Variants in UGGT2 observed in about 807,000 individuals in gnomAD.
The protein encoded by UGGT2 is UDP-glucose:glycoprotein glucosyltransferase 2.
A neutral mutation model predicts 192.1 loss-of-function variants in UGGT2; 180 were observed. The observed-to-expected ratio is 0.94, with a 90% CI of 0.83 to 1.06. The LOEUF is 1.06. Ranked by LOEUF, UGGT2 falls within the 50% of genes least tolerant of loss-of-function variation. The pLI, the probability that UGGT2 is intolerant of heterozygous loss-of-function variation, is 0.00. For synonymous variants in UGGT2, 580 were observed against 591.0 expected (o/e 0.98, Z 0.27); for missense variants, 1,849 against 1,795.7 (o/e 1.03, Z -0.54).
At position 95,948,059 on chromosome 13, in the gene UGGT2, T is replaced by C. The variant is rs763141645; in HGVS notation, c.1478A>G (p.Gln493Arg). 6.8e-6 allele frequency: 11 copies of C among 1,613,056 alleles called. No individual in the cohort carries two copies. The African/African-American group carries it at 1.5e-4, about 22-fold the overall frequency. ...TTTTATAAAATCCAAGGTATATTCT[T>C]GGGCCGGATCAATAAACAGAACCTA... ...HNLVLFIDPAQEYTLDFIKLA... is the reference protein window; with the variant it reads ...HNLVLFIDPAREYTLDFIKLA... The change falls in exon 14 of 39, where the codon CAA becomes CGA. Residue 493 changes from glutamine (Q) to arginine (R), a missense_variant. Physicochemically the swap from Gln to Arg is conservative, Grantham distance 43 (BLOSUM62 1). Transcript: ENST00000376747.
chr13:95,939,921 C>T (rs1409567356), intron 16 of UGGT2, 36 bp downstream of exon 16: 2 of 1,511,870 alleles, frequency 1.3e-6, no homozygotes, highest in Admixed American at 2.0e-5. Context: ...CTTTCTGTGC[C>T]TGGCCTACTC....
At chr13:95,885,238 A>C (rs1299611011) in intron 26 of UGGT2, among the ~76,000 whole-genome samples, 1 of 152,196 alleles carries the variant, frequency 6.6e-6, no homozygotes, top group African/African-American at 2.4e-5. Context: ...TATTGTGCAC[A>C]GAATTATTAT....
intron 36 of UGGT2, among the ~76,000 whole-genome samples, chr13:95,847,068 T>A (rs954681400): frequency 9.9e-5 from 15 of 151,338 alleles, no homozygotes; most frequent in Admixed American, 7.9e-4. Flanking sequence ...TTTCTTTTTT[T>A]TTTTTATTTT....
intron 38 of UGGT2, among the ~76,000 whole-genome samples, chr13:95,811,381 C>A (rs1884576253): frequency 6.6e-6 from 1 of 152,154 alleles, no homozygotes; most frequent in Non-Finnish European, 1.5e-5. Flanking sequence ...ACAATCCTAT[C>A]CATGTGAAAT....
At chr13:95,964,683 G>C (rs1214057172) in intron 12 of UGGT2, among the ~76,000 whole-genome samples, 1 of 151,990 alleles carries the variant, frequency 6.6e-6, no homozygotes, top group African/African-American at 2.4e-5. Flanking sequence ...CATAGGCATG[G>C]GCAAGGACTT....
chr13:95,987,925 A>G (rs546924250), intron 8 of UGGT2, among the ~76,000 whole-genome samples: 7 of 152,246 alleles, frequency 4.6e-5, no homozygotes, highest in African/African-American at 1.7e-4. Context: ...TCAGATTTCT[A>G]GTTAGATTCA....
chr13:96,023,314 T>C (rs2052568550), intron 3 of UGGT2, among the ~76,000 whole-genome samples, 162 bp from the exon 4 acceptor site: 1 of 152,080 alleles, frequency 6.6e-6, no homozygotes, highest in African/African-American at 2.4e-5. Flanking sequence ...ATCTAAGAAA[T>C]ATTTTAATAA....
chr13:95,863,797 A>G, intron 30 of UGGT2, 83 bp from the exon 31 acceptor site: 2 of 1,058,942 alleles, frequency 1.9e-6, no homozygotes, highest in Admixed American at 1.8e-5. Flanking sequence ...ATATTGGGCG[A>G]GATTACCCAT....
chr13:96,031,915 T>G lies in UGGT2; in HGVS notation c.215A>C (p.Gln72Pro). 1 of 1,611,600 alleles carries G rather than the reference T, an allele frequency of 6.2e-7. No homozygotes were observed. Among genetic ancestry groups the G allele is most frequent in the Non-Finnish European group, 8.5e-7 (1 of 1,179,064 alleles). ...TGTTTGCTTATAAATTGCTAATTCT[T>G]GCACAGTTTCCAAAAACTGCCAAAA... The part of the protein sequence containing the change: ...EKFWQFLETV[Q>P]ELAIYKQTES... Residue 72 changes from glutamine to proline, a missense_variant, in exon 2 of 39, where the codon CAA (glutamine) becomes CCA (proline). Coordinates refer to ENST00000376747, the MANE Select transcript of UGGT2 (RefSeq NM_020121.4).
In UGGT2 at chr13:95,940,059, T is replaced by C; in HGVS notation, c.1710A>G (p.Ile570Met). 6.4e-7 allele frequency: 1 copy of C among 1,556,400 alleles called. No individual in the cohort carries two copies. The highest frequency in any genetic ancestry group is 8.7e-7 in the Non-Finnish European group (1 of 1,148,446). The change falls in exon 16 of 39, where the codon ATA becomes ATG. Residue 570 changes from isoleucine (I) to methionine (M), a missense_variant. Ile to Met is a conservative substitution (Grantham distance 10). Transcript: ENST00000376747. ...CACTCTTCACATTGTCCACAGTGAG[T>C]ATATTTTGATCCTTCTTCACTTTTT... ...MYQKVKKDQN[I>M]LTVDNVKSVL...
chr13:95,916,327 C>G (rs908166179), intron 20 of UGGT2, among the ~76,000 whole-genome samples: 2 of 152,044 alleles, frequency 1.3e-5, no homozygotes, highest in African/African-American at 4.8e-5. Flanking sequence ...GCAGCTTGAC[C>G]GTTAAAAACA....
At chr13:96,037,350 C>G (rs950832490) in intron 1 of UGGT2, among the ~76,000 whole-genome samples, 4 of 152,178 alleles carry the variant, frequency 2.6e-5, no homozygotes, top group Admixed American at 2.6e-4. Flanking sequence ...AGGCATGTGC[C>G]ACCACACGCA....
intron 12 of UGGT2, among the ~76,000 whole-genome samples, chr13:95,964,692 T>C (rs1162354958): frequency 6.6e-6 from 1 of 152,150 alleles, no homozygotes; most frequent in African/African-American, 2.4e-5. Flanking sequence ...GGGCAAGGAC[T>C]TCATGTCTAA....
intron 36 of UGGT2, among the ~76,000 whole-genome samples, chr13:95,852,181 G>A (rs1172313189): frequency 6.6e-6 from 1 of 152,082 alleles, no homozygotes; most frequent in Non-Finnish European, 1.5e-5. Flanking sequence ...AAGGGACTAA[G>A]CTTTCTACAT....
chr13:95,892,323 C>T (rs1458591452), intron 24 of UGGT2, among the ~76,000 whole-genome samples: 1 of 152,006 alleles, frequency 6.6e-6, no homozygotes, highest in Non-Finnish European at 1.5e-5. Flanking sequence ...CACTGACTAA[C>T]CCAAGAATAG....
At chr13:95,873,872 C>G (rs1407808162) in intron 29 of UGGT2, among the ~76,000 whole-genome samples, 4 of 152,250 alleles carry the variant, frequency 2.6e-5, no homozygotes, top group East Asian at 1.9e-4. Context: ...ACACGGACAT[C>G]TGTCAGCATA....
intron 38 of UGGT2, among the ~76,000 whole-genome samples, chr13:95,829,266 G>A (rs1342334034): frequency 6.6e-6 from 1 of 152,156 alleles, no homozygotes; most frequent in Non-Finnish European, 1.5e-5. Flanking sequence ...GCACAAGACA[G>A]GGATGCCCTC....
intron 25 of UGGT2, among the ~76,000 whole-genome samples, 165 bp downstream of exon 25, chr13:95,890,697 C>T (rs942111818): frequency 2.0e-5 from 3 of 152,150 alleles, no homozygotes; most frequent in African/African-American, 7.2e-5. Flanking sequence ...GTCATAACAA[C>T]ACCCTGTGCA....
At chr13:95,985,203 ATAT>A (rs2051251420) in intron 9 of UGGT2, 1 of 1,016,580 alleles carries the variant, frequency 9.8e-7, no homozygotes, top group Non-Finnish European at 1.3e-6. Flanking sequence ...ATTAATTAAA[ATAT>A]TATGGCTAAA....
Sources: allele counts gnomAD v4.1 joint callset (sites outside exome capture counted in the v4.1 genomes callset), GRCh38; gene constraint gnomAD v4.1.1; transcripts MANE v1.5; gene names NCBI Gene and HGNC (gene_info 2026-07-23, HGNC 2026-07-21).